The following POM121 variants were observed in gnomAD, a reference collection of about 807,000 sequenced individuals.
The protein encoded by POM121 is POM121 transmembrane nucleoporin, also known as nuclear envelope pore membrane protein POM 121.
In POM121, 32 loss-of-function variants were observed where a neutral mutation model predicts 81.3. The ratio of observed to expected loss-of-function variants is 0.39; its 90% confidence interval spans 0.30 to 0.53. The LOEUF (loss-of-function observed/expected upper bound fraction) is 0.53. Among genes scored for constraint, POM121 ranks in the 20% least tolerant of loss-of-function variants. The pLI, the probability that POM121 is intolerant of heterozygous loss-of-function variation, is 0.66. For synonymous variants in POM121, 514 were observed against 694.2 expected (o/e 0.74, Z 4.08); for missense variants, 1,138 against 1,614.6 (o/e 0.70, Z 5.06).
intron 5 of POM121, among the ~76,000 whole-genome samples, chr7:72,936,783 A>T (rs1438564068): frequency 1.3e-5 from 2 of 152,124 alleles, no homozygotes; most frequent in African/African-American, 4.8e-5. Flanking sequence ...TTGTGAAGAA[A>T]AATGCAAGGT....
At chr7:72,890,576 C>T in intron 1 of POM121, 1 of 1,586,540 alleles carries the variant, frequency 6.3e-7, no homozygotes, top group African/African-American at 1.3e-5. Context: ...AAAATGTTAT[C>T]CCCCTATCCC....
chr7:72,920,246 GTTC>G (rs781979664), upstream of POM121, among the ~76,000 whole-genome samples: 12 of 150,596 alleles, frequency 8.0e-5, no homozygotes, highest in Non-Finnish European at 1.2e-4. Context: ...TTGATTGGTT[GTTC>G]TTATTATGGG....
chr7:72,946,396 T>G lies in POM121; in HGVS notation c.*162T>G. The G allele has an allele frequency of 7.0e-7, 1 of 1,430,464 alleles. No individual in the cohort carries two copies. The highest frequency in any genetic ancestry group is 1.5e-5 in the South Asian group (1 of 65,514). 88.6% of individuals were successfully genotyped at this position (1,430,464 alleles called of 1,614,324 possible). A position where few individuals can be genotyped will look rare whatever the true frequency, so the allele number is the denominator to read the frequency against. On this transcript the variant is annotated 3_prime_UTR_variant, in exon 13 of 13. Coordinates refer to ENST00000434423, the MANE Select transcript of POM121 (RefSeq NM_001387691.1). ...GTGGCAGCCCTGGGGCCCTTTCCCT[T>G]CTGGAGGAAGCACAAGCCTCAGGGA... is the stretch of plus-strand genomic sequence containing the variant.
intron 3 of POM121, among the ~76,000 whole-genome samples, chr7:72,895,351 G>A (rs529017253): frequency 3.9e-5 from 6 of 152,230 alleles, no homozygotes; most frequent in African/African-American, 1.2e-4. Flanking sequence ...CCTCCTGTGC[G>A]TTCACTAAAT....
In POM121 at chr7:72,907,128, G is replaced by A. The variant is rs569532924; in HGVS notation, c.-215-6637G>A. Among the ~76,000 whole-genome samples, 329 of 152,004 alleles carry A rather than the reference G, an allele frequency of 2.2e-3. 3 individuals carry two copies. The highest frequency in any genetic ancestry group is 7.4e-3 in the African/African-American group (305 of 41,444). ...AGTATGCCATTTAACTTCATATGCC[G>A]TGCTAAATCAATTCAGTATGCCATT... On this transcript the variant is annotated intron_variant, in intron 3 of 15. Coordinates refer to the POM121 transcript ENST00000395270.
downstream of POM121, chr7:72,948,427 C>T: frequency 6.2e-7 from 1 of 1,613,270 alleles, no homozygotes; most frequent in Non-Finnish European, 8.5e-7. Flanking sequence ...CAGGGTCTTC[C>T]ACGGAGAGGA....
At chr7:72,918,624 T>C (rs1390366488) in intron 4 of POM121, among the ~76,000 whole-genome samples, 2 of 152,180 alleles carry the variant, frequency 1.3e-5, no homozygotes, top group Non-Finnish European at 2.9e-5. Flanking sequence ...ATATATTTTA[T>C]TATACTGGAA....
intron 3 of POM121, among the ~76,000 whole-genome samples, chr7:72,894,648 AGAG>A (rs1791721845): frequency 1.3e-5 from 1 of 77,568 alleles, no homozygotes; most frequent in Non-Finnish European, 3.8e-5. Context: ...AGAGAGAGAG[AGAG>A]AGAGAGAGAG....
chr7:72,927,635 A>T (rs1335606982), intron 3 of POM121, among the ~76,000 whole-genome samples: 1 of 152,048 alleles, frequency 6.6e-6, no homozygotes, highest in Non-Finnish European at 1.5e-5. Context: ...GCTTGAACCC[A>T]GGAGGCGGAG....
At position 72,925,349 on chromosome 7, in the gene POM121, G is replaced by A. The variant is rs1554496973; in HGVS notation, c.228G>A (p.Ser76=). ...WWGLSREPRG[S]RPLSSFVRKA... ...GACTGAGCCGCGAGCCCCGAGGTTC[G>A]CGCCCCTTGTCCTCCTTCGTTCGGA... is the stretch of plus-strand genomic sequence containing the variant. The change falls in exon 1 of 13, where the codon TCG becomes TCA. Residue 76 remains serine (S), a synonymous_variant. Transcript: ENST00000434423. 1 of 1,523,122 alleles carries A rather than the reference G, an allele frequency of 6.6e-7. No homozygotes were observed. Among genetic ancestry groups the A allele is most frequent in the East Asian group, 2.4e-5 (1 of 40,832 alleles). The allele number at this position is 1,523,122 out of a possible 1,614,324, so 94.4% of individuals were successfully genotyped here. A position where few individuals can be genotyped will look rare whatever the true frequency, so the allele number is the denominator to read the frequency against.
chr7:72,912,402 C>T (rs1326589022), intron 3 of POM121, among the ~76,000 whole-genome samples: 3 of 152,056 alleles, frequency 2.0e-5, no homozygotes, highest in Middle Eastern at 3.2e-3. Flanking sequence ...AGAGGGGACC[C>T]CAAAGGGAGG....
At chr7:72,905,517 A>G (rs1793147868) in intron 3 of POM121, among the ~76,000 whole-genome samples, 2 of 152,198 alleles carry the variant, frequency 1.3e-5, no homozygotes, top group Admixed American at 6.5e-5. Context: ...CAGCCTGGCC[A>G]ACATGGCAAA....
chr7:72,898,212 G>A (rs868964158), intron 3 of POM121, among the ~76,000 whole-genome samples: 1 of 152,104 alleles, frequency 6.6e-6, no homozygotes, highest in Non-Finnish European at 1.5e-5. Flanking sequence ...TGGGAATTTG[G>A]TCTTGCACGT....
intron 11 of POM121, 132 bp downstream of exon 11, chr7:72,943,654 C>T (rs1797366902): frequency 7.0e-7 from 1 of 1,434,148 alleles, no homozygotes; most frequent in Non-Finnish European, 9.2e-7. Flanking sequence ...AGTGAGATGC[C>T]AGGGAACGAT....
chr7:72,931,331 G>A (rs534606218), intron 5 of POM121, among the ~76,000 whole-genome samples: 1 of 152,184 alleles, frequency 6.6e-6, no homozygotes, highest in South Asian at 2.1e-4. Flanking sequence ...CTATACCGAA[G>A]TTGGGTGTTT....
chr7:72,938,851 C>T (rs1399184494), intron 6 of POM121, among the ~76,000 whole-genome samples, 170 bp downstream of exon 6: 1 of 152,236 alleles, frequency 6.6e-6, no homozygotes, highest in South Asian at 2.1e-4. Context: ...GCTGTCATCC[C>T]TACAGTCTTG....
downstream of POM121, chr7:72,949,821 C>T (rs371715185): frequency 2.8e-5 from 35 of 1,236,038 alleles, no homozygotes; most frequent in African/African-American, 4.5e-4. Context: ...ACCCCATGTC[C>T]TCCTCCTCCT....
intron 3 of POM121, among the ~76,000 whole-genome samples, chr7:72,908,745 A>G (rs561811356): frequency 6.6e-6 from 1 of 152,132 alleles, no homozygotes; most frequent in African/African-American, 2.4e-5. Context: ...ATTCAGCGTT[A>G]TTTCTCCTAT....
chr7:72,890,579 C>G (rs1791206397), intron 1 of POM121: 10 of 1,591,034 alleles, frequency 6.3e-6, no homozygotes, highest in Non-Finnish European at 8.6e-6. Context: ...ATGTTATCCC[C>G]CTATCCCTTT....
Sources: allele counts gnomAD v4.1 joint callset (sites outside exome capture counted in the v4.1 genomes callset), GRCh38; gene constraint gnomAD v4.1.1; transcripts MANE v1.5; gene names NCBI Gene and HGNC (gene_info 2026-07-23, HGNC 2026-07-21).